KATNIP: variants seen among roughly 807,000 people sequenced by gnomAD.
The protein encoded by KATNIP is katanin interacting protein.
Under a neutral mutation model 174.0 loss-of-function variants are expected in KATNIP, and 126 were observed. The ratio of observed to expected loss-of-function variants is 0.72; its 90% CI spans 0.63 to 0.84. The LOEUF (loss-of-function observed/expected upper bound fraction) is 0.84, where lower values mean the gene tolerates loss of function less well. Among genes scored for constraint, KATNIP ranks in the 40% least tolerant of loss-of-function variants. The pLI, the probability that KATNIP is intolerant of heterozygous loss-of-function variation, is 0.00. For synonymous variants in KATNIP, 810 were observed against 835.7 expected, an observed-to-expected ratio of 0.97 and a Z score of 0.53; for missense variants, 1,958 against 2,109.7, an observed-to-expected ratio of 0.93 and a Z score of 1.41.
rs1177818623 is a variant in KATNIP, at chr16:27,637,466, CAG to C, written c.408+6307_408+6308del. Among the ~76,000 whole-genome samples, 1 of 152,120 alleles carries C rather than the reference CAG, an allele frequency of 6.6e-6. No individual in the cohort carries two copies. The highest frequency in any genetic ancestry group is 1.9e-4 in the East Asian group (1 of 5,170). On this transcript the variant is annotated intron_variant, in intron 5 of 27. Coordinates refer to ENST00000261588, the MANE Select transcript of KATNIP (RefSeq NM_015202.5). The surrounding 1 kb of genome is among the most constrained non-coding windows in gnomAD (Gnocchi z 4.7). ...GGAAGACAGTGCTACGAAGGAAGGACAGAGGACAGCAGCCTGAAAGAGAAGCT... is the reference window on the plus strand; with the variant it reads ...GGAAGACAGTGCTACGAAGGAAGGACAGGACAGCAGCCTGAAAGAGAAGCT...
At chr16:27,766,859 G>C (rs963330773) in intron 20 of KATNIP, among the ~76,000 whole-genome samples, 1 of 152,112 alleles carries the variant, frequency 6.6e-6, no homozygotes, top group Non-Finnish European at 1.5e-5. Context: ...TGGGAGGTGG[G>C]TGTGATTACC....
chr16:27,683,269 G>A (rs1016039558), intron 8 of KATNIP, among the ~76,000 whole-genome samples: 8 of 152,320 alleles, frequency 5.3e-5, no homozygotes, highest in Admixed American at 5.2e-4. Context: ...AGGAAGAACT[G>A]TGGCTAACTG....
chr16:27,563,010 C>T (rs2089950381), intron 1 of KATNIP, among the ~76,000 whole-genome samples: 1 of 152,170 alleles, frequency 6.6e-6, no homozygotes, highest in Non-Finnish European at 1.5e-5. Flanking sequence ...CGGTCATTTA[C>T]TCGTTCATCC....
chr16:27,749,194 T>C (rs2081398753), intron 15 of KATNIP, among the ~76,000 whole-genome samples: 1 of 152,236 alleles, frequency 6.6e-6, no homozygotes, highest in African/African-American at 2.4e-5. Flanking sequence ...GTTCACACGA[T>C]GATTGCATTC....
rs1314182131 is a variant in KATNIP, at chr16:27,735,906, C to T, written c.1744-4135C>T. Among the ~76,000 whole-genome samples the T allele has an allele frequency of 9.2e-5, 14 of 152,324 alleles. No homozygotes were observed. The East Asian group carries it at 2.5e-3, about 27-fold the overall frequency. On this transcript the variant is annotated intron_variant, in intron 14 of 27. Coordinates refer to ENST00000261588, the MANE Select transcript of KATNIP (RefSeq NM_015202.5). The stretch of plus-strand genomic sequence containing the variant: ...ATCTGGAGGTGAAACCCACAGGCCG[C>T]CGCTTTTCTGATCAGGTTCATTCTT...
intron 3 of KATNIP, among the ~76,000 whole-genome samples, chr16:27,623,677 C>T (rs1193546793): frequency 2.6e-5 from 4 of 152,120 alleles, no homozygotes; most frequent in South Asian, 2.1e-4. Context: ...AATGCCTTCT[C>T]CCCAAATTGA....
Position 27,774,930 on chromosome 16 carries a change from T to TA in KATNIP, c.4310-14dup, listed in dbSNP as rs774551672. 1.7e-5 allele frequency: 27 copies of TA among 1,613,544 alleles called. No individual in the cohort carries two copies. The highest frequency in any genetic ancestry group is 2.2e-5 in the Non-Finnish European group (26 of 1,179,858). The stretch of plus-strand genomic sequence containing the variant: ...CACACAGATTTGGGTTATGGCAACT[T>TA]AGACGTCTCCTCAGATATTGCGGCC... On this transcript the variant is annotated splice_polypyrimidine_tract_variant and intron_variant, in intron 23 of 27. Coordinates refer to ENST00000261588, the MANE Select transcript of KATNIP (RefSeq NM_015202.5).
chr16:27,551,432 A>AC (rs2089362221), intron 1 of KATNIP, among the ~76,000 whole-genome samples: 4 of 152,216 alleles, frequency 2.6e-5, no homozygotes, highest in Non-Finnish European at 5.9e-5. Context: ...AGGTCAATGT[A>AC]ATGTTGCTAT....
At chr16:27,663,085 G>A (rs2077573512) in intron 6 of KATNIP, among the ~76,000 whole-genome samples, 1 of 145,420 alleles carries the variant, frequency 6.9e-6, no homozygotes, top group Non-Finnish European at 1.5e-5. Context: ...GGTTCTCCCT[G>A]ACCTCCACCA....
intron 2 of KATNIP, among the ~76,000 whole-genome samples, chr16:27,595,236 A>G (rs572157599): frequency 6.6e-6 from 1 of 152,144 alleles, no homozygotes. Flanking sequence ...GTACAGAAAA[A>G]GTTAGCTGGA....
intron 2 of KATNIP, among the ~76,000 whole-genome samples, chr16:27,612,261 A>G (rs2075912789): frequency 2.0e-5 from 3 of 152,174 alleles, no homozygotes; most frequent in African/African-American, 7.2e-5. Context: ...GCATCACCCC[A>G]TCTTATAGGT....
chr16:27,604,749 CTG>C (rs1161667389), intron 2 of KATNIP, among the ~76,000 whole-genome samples: 1 of 152,164 alleles, frequency 6.6e-6, no homozygotes. Context: ...AGTTCTGACT[CTG>C]TGTTTCCCAG....
intron 1 of KATNIP, among the ~76,000 whole-genome samples, chr16:27,571,942 T>C (rs954131262): frequency 6.6e-6 from 1 of 152,194 alleles, no homozygotes; most frequent in Non-Finnish European, 1.5e-5. Flanking sequence ...GAGGTCCTGA[T>C]AAAATTGGCC....
At chr16:27,752,392 G>A (rs1159213986) in intron 17 of KATNIP, among the ~76,000 whole-genome samples, 1 of 152,194 alleles carries the variant, frequency 6.6e-6, no homozygotes, top group Non-Finnish European at 1.5e-5. Flanking sequence ...TCACCCTCAT[G>A]ACAACCCTCT....
At chr16:27,585,316 T>C (rs1467630930) in intron 2 of KATNIP, among the ~76,000 whole-genome samples, 1 of 152,234 alleles carries the variant, frequency 6.6e-6, no homozygotes, top group African/African-American at 2.4e-5. Context: ...AAGGGAATCC[T>C]TGTACATGTT....
rs1479117239 is a variant in KATNIP at position 27,740,371 on chromosome 16, T to G, written c.2074T>G (p.Leu692Val). 6.2e-7 allele frequency: 1 copy of G among 1,614,226 alleles called. No homozygotes were observed. Among genetic ancestry groups the G allele is most frequent in the South Asian group, 1.1e-5 (1 of 91,088 alleles). Residue 692 changes from leucine to valine, a missense_variant, in exon 15 of 28, where the codon TTG becomes GTG. Around this residue, in one of 3 missense-constraint regions of KATNIP, gnomAD observed 1,557 missense variants for 1,617.8 expected, o/e 0.96. Coordinates refer to ENST00000261588, the MANE Select transcript of KATNIP (RefSeq NM_015202.5). ...TTCTACTAATTGCAGGAAAGACAGTTTGTCCCAGTTAGAGGAATATTTGAG... is the reference window on the plus strand; with the variant it reads ...TTCTACTAATTGCAGGAAAGACAGTGTGTCCCAGTTAGAGGAATATTTGAG... ...KNSTNCRKDS[L>V]SQLEEYLRLS...
At chr16:27,744,775 C>T (rs12924607) in intron 15 of KATNIP, among the ~76,000 whole-genome samples, 16,787 of 150,906 alleles carry the variant, frequency 0.11, 1,166 homozygotes, top group Middle Eastern at 0.2. Flanking sequence ...CCCAGCTACT[C>T]GGGAGGCTGA....
At chr16:27,775,425 C>T (rs932632722) in intron 24 of KATNIP, among the ~76,000 whole-genome samples, 2 of 152,244 alleles carry the variant, frequency 1.3e-5, no homozygotes, top group African/African-American at 4.8e-5. Flanking sequence ...GCTTTGCAGC[C>T]ACTGTGCCCT....
At chr16:27,669,154 G>A (rs1048002512) in intron 6 of KATNIP, 1 of 308,164 alleles carries the variant, frequency 3.2e-6, no homozygotes, top group African/African-American at 2.3e-5. Flanking sequence ...ATGTTTGATG[G>A]TCGCCTGATG....
Sources: allele counts gnomAD v4.1 joint callset (sites outside exome capture counted in the v4.1 genomes callset), GRCh38; gene constraint gnomAD v4.1.1; regional missense constraint gnomAD v4.1.1; non-coding constraint Gnocchi (gnomAD v3.1); transcripts MANE v1.5; gene names NCBI Gene and HGNC (gene_info 2026-07-23, HGNC 2026-07-21).